FAM171B: variants seen among roughly 807,000 people sequenced by gnomAD.
FAM171B encodes the protein family with sequence similarity 171 member B.
FAM171B carries 19 observed loss-of-function variants against 75.6 expected under a neutral mutation model. The observed-to-expected ratio is 0.25, with a 90% CI of 0.18 to 0.37. FAM171B has a LOEUF of 0.37. Ranked by LOEUF, FAM171B falls within the 10% of genes least tolerant of loss-of-function variation. The probability of loss-of-function intolerance (pLI) is 1.00; values close to 1 mark genes in which losing one functional copy is unlikely to be tolerated. For missense variants in FAM171B, 848 were observed against 982.4 expected (o/e 0.86, Z 1.83); for synonymous variants, 367 against 361.7 (o/e 1.01, Z -0.17).
intron 2 of FAM171B, 46 bp from the exon 3 acceptor site, chr2:186,743,437 T>C (rs1470291160): frequency 7.4e-6 from 10 of 1,353,540 alleles, no homozygotes; most frequent in Admixed American, 1.8e-5. Flanking sequence ...CTAGTTTTTT[T>C]CCCCTCACAT....
intron 1 of FAM171B, among the ~76,000 whole-genome samples, chr2:186,734,231 G>A (rs1002741271): frequency 2.6e-5 from 4 of 152,054 alleles, no homozygotes; most frequent in Admixed American, 2.6e-4. Flanking sequence ...GCCCTCAGCA[G>A]AGAGGAGACC....
intron 2 of FAM171B, among the ~76,000 whole-genome samples, chr2:186,740,993 T>C (rs2105786101): frequency 6.6e-6 from 1 of 152,284 alleles, no homozygotes; most frequent in Non-Finnish European, 1.5e-5. Flanking sequence ...AAAATACATC[T>C]CCTAGGGGCA....
Position 186,694,422 on chromosome 2 carries a change from GCT to G in FAM171B, c.238+12_238+13del. Reference sequence around the variant, plus strand: ...CCTTGACGGTTCCAGGTAGGTCCTGGCTGCCCAGCCCGGTCTTTCAGTCTCGG... The same window carrying G: ...CCTTGACGGTTCCAGGTAGGTCCTGGGCCCAGCCCGGTCTTTCAGTCTCGG... On this transcript the variant is annotated intron_variant, in intron 1 of 7. Transcript: ENST00000304698. 6.2e-7 allele frequency: 1 copy of G among 1,606,074 alleles called. No individual in the cohort carries two copies. Among genetic ancestry groups the G allele is most frequent in the Non-Finnish European group, 8.5e-7 (1 of 1,175,298 alleles).
intron 3 of FAM171B, among the ~76,000 whole-genome samples, chr2:186,744,486 C>T (rs1032438774): frequency 1.2e-4 from 18 of 152,164 alleles, no homozygotes; most frequent in Admixed American, 6.5e-5. Flanking sequence ...GAATCTCTTA[C>T]TTATGAAATA....
At chr2:186,724,007 A>AGTTG (rs1689993960) in intron 1 of FAM171B, among the ~76,000 whole-genome samples, 1 of 152,252 alleles carries the variant, frequency 6.6e-6, no homozygotes, top group Non-Finnish European at 1.5e-5. Flanking sequence ...TTAACATTCT[A>AGTTG]GTTGGGGAAA....
chr2:186,751,275 T>C lies in FAM171B; in HGVS notation c.866T>C (p.Ile289Thr). ...RLNDISAGDRIPAWTFDMNTG... is the reference protein window; with the variant it reads ...RLNDISAGDRTPAWTFDMNTG... Reference sequence around the variant, plus strand: ...AATGATATAAGTGCAGGGGATCGCATACCTGCTTGGACATTTGATATGAAC... The same window carrying C: ...AATGATATAAGTGCAGGGGATCGCACACCTGCTTGGACATTTGATATGAAC... Residue 289 changes from isoleucine to threonine, a missense_variant, in exon 5 of 8, where the codon ATA (isoleucine) becomes ACA (threonine). Around this residue, in one of 3 missense-constraint regions of FAM171B, gnomAD observed 665 missense variants for 729.0 expected, o/e 0.91. Transcript: ENST00000304698. 2 of 1,601,110 alleles carry C rather than the reference T, an allele frequency of 1.2e-6. No individual in the cohort carries two copies. The highest frequency in any genetic ancestry group is 1.1e-5 in the South Asian group (1 of 89,004).
chr2:186,724,172 C>T (rs1689996877), intron 1 of FAM171B, among the ~76,000 whole-genome samples: 1 of 152,132 alleles, frequency 6.6e-6, no homozygotes, highest in Admixed American at 6.5e-5. Flanking sequence ...CTATGATTGT[C>T]CTTGGCCGGC....
chr2:186,717,126 C>T (rs1689886290), intron 1 of FAM171B, among the ~76,000 whole-genome samples: 1 of 152,060 alleles, frequency 6.6e-6, no homozygotes. Flanking sequence ...GGGAAAAGGG[C>T]CCATCCTTAC....
chr2:186,761,533 C>T lies in FAM171B; in HGVS notation c.1191C>T (p.Val397=). The part of the protein sequence containing the change: ...KRERNITKLE[V]LKRDQTTSTT... ...AAAGAAATATCACTAAACTTGAGGT[C>T]CTCAAGAGAGACCAGACAACTTCAA... The change falls in exon 8 of 8, where the codon GTC becomes GTT. Residue 397 remains valine, a synonymous_variant. Transcript: ENST00000304698. 1.2e-6 allele frequency: 2 copies of T among 1,603,984 alleles called. No individual in the cohort carries two copies. The highest frequency in any genetic ancestry group is 2.7e-5 in the African/African-American group (2 of 74,468).
At position 186,764,839 on chromosome 2, in the gene FAM171B, A is replaced by G. The variant is rs1275819611; in HGVS notation, c.*2016A>G. 1.3e-5 allele frequency: 2 copies of G among 151,946 alleles called. No individual in the cohort carries two copies. The highest frequency in any genetic ancestry group is 4.8e-5 in the African/African-American group (2 of 41,436). The allele number at this position is 151,946 out of a possible 1,614,324, so 9.4% of individuals were successfully genotyped here. A position where few individuals can be genotyped will look rare whatever the true frequency, so the allele number is the denominator to read the frequency against. ...GGAATGAAGTTAGAAACTATATAGC[A>G]AAACATTATATTTTAAGTGTTTATT... On this transcript the variant is annotated 3_prime_UTR_variant, in exon 8 of 8. Transcript: ENST00000304698.
Position 186,751,315 on chromosome 2 carries a change from T to C in FAM171B, c.895+11T>C, listed in dbSNP as rs774036139. The C allele has an allele frequency of 2.0e-6, 3 of 1,510,832 alleles. No homozygotes were observed. Among genetic ancestry groups the C allele is most frequent in the South Asian group, 2.7e-5 (2 of 73,720 alleles). The allele number at this position is 1,510,832 out of a possible 1,614,324, so 93.6% of individuals were successfully genotyped here. A position where few individuals can be genotyped will look rare whatever the true frequency, so the allele number is the denominator to read the frequency against. ...TTGATATGAACACAGGTATGTGAGC[T>C]AGGTTAAAATAGTCTGAATATTTTA... On this transcript the variant is annotated intron_variant, in intron 5 of 7. Coordinates refer to ENST00000304698, the MANE Select transcript of FAM171B (RefSeq NM_177454.4).
chr2:186,758,117 T>C (rs943482712), intron 6 of FAM171B, among the ~76,000 whole-genome samples: 6 of 138,718 alleles, frequency 4.3e-5, no homozygotes, highest in Non-Finnish European at 6.3e-5. Context: ...TAGTGTGGTA[T>C]AGCGAAAACT....
At chr2:186,746,967 T>C (rs1690373217) in intron 3 of FAM171B, 125 bp from the exon 4 acceptor site, 1 of 683,710 alleles carries the variant, frequency 1.5e-6, no homozygotes, top group African/African-American at 1.8e-5. Flanking sequence ...AATAATTACA[T>C]GAGAAGATGC....
At chr2:186,757,800 C>A (rs1690554612) in intron 6 of FAM171B, among the ~76,000 whole-genome samples, 1 of 152,108 alleles carries the variant, frequency 6.6e-6, no homozygotes, top group Non-Finnish European at 1.5e-5. Flanking sequence ...GGATTTGGGG[C>A]AAACTCAATA....
At chr2:186,706,333 C>A (rs924390486) in intron 1 of FAM171B, among the ~76,000 whole-genome samples, 5 of 152,136 alleles carry the variant, frequency 3.3e-5, no homozygotes, top group South Asian at 2.1e-4. Context: ...CTGTTCCAGG[C>A]TTTTGGAATT....
At position 186,764,586 on chromosome 2, in the gene FAM171B, A is replaced by G. The variant is rs1385910244; in HGVS notation, c.*1763A>G. 6.8e-6 allele frequency: 1 copy of G among 147,858 alleles called. No individual in the cohort carries two copies. Among genetic ancestry groups the G allele is most frequent in the Admixed American group, 6.9e-5 (1 of 14,568 alleles). The allele number at this position is 147,858 out of a possible 1,614,324, so 9.2% of individuals were successfully genotyped here. A position where few individuals can be genotyped will look rare whatever the true frequency, so the allele number is the denominator to read the frequency against. ...AGCATGACTCAAAATGATTTGGAAA[A>G]GGTTAAAGTTAGTGCTCTGCTGAAG... On this transcript the variant is annotated 3_prime_UTR_variant, in exon 8 of 8. Coordinates refer to ENST00000304698, the MANE Select transcript of FAM171B (RefSeq NM_177454.4).
chr2:186,694,793 A>ACACACC (rs1181618643), intron 1 of FAM171B, among the ~76,000 whole-genome samples: 16 of 139,694 alleles, frequency 1.1e-4, no homozygotes, highest in African/African-American at 4.1e-4. Context: ...ACACACACAC[A>ACACACC]CCGTTCTTAA....
intron 1 of FAM171B, among the ~76,000 whole-genome samples, chr2:186,697,806 C>T (rs185781986): frequency 6.1e-4 from 93 of 152,122 alleles, no homozygotes; most frequent in African/African-American, 2.2e-3. Flanking sequence ...TTAGTATTCT[C>T]TGGATTTTAT....
At chr2:186,751,891 A>G (rs1690460410) in intron 5 of FAM171B, among the ~76,000 whole-genome samples, 1 of 152,116 alleles carries the variant, frequency 6.6e-6, no homozygotes, top group Admixed American at 6.6e-5. Flanking sequence ...GAAAAAGGAA[A>G]ATGATCAGCC....
Sources: gnomAD v4.1 joint callset for allele counts (sites outside exome capture counted in the v4.1 genomes callset) on GRCh38, gnomAD v4.1.1 for gene constraint, gnomAD v4.1.1 regional missense constraint, MANE v1.5 for transcripts, NCBI Gene and HGNC (gene_info 2026-07-23, HGNC 2026-07-21) for gene names.